The following SMIM14 variants were observed in gnomAD, a reference collection of about 807,000 sequenced individuals.
The protein encoded by SMIM14 is chromosome 4 open reading frame 34.
Under a neutral mutation model 12.6 loss-of-function variants are expected in SMIM14, and 5 were observed. The observed-to-expected ratio is 0.40, with a 90% CI of 0.21 to 0.83. SMIM14 has a LOEUF of 0.83. Among genes scored for constraint, SMIM14 ranks in the 40% least tolerant of loss-of-function variants. The probability of loss-of-function intolerance (pLI) is 0.37; values close to 1 mark genes in which losing one functional copy is unlikely to be tolerated. For missense variants in SMIM14, 86 were observed against 119.1 expected, an observed-to-expected ratio of 0.72 and a Z score of 1.29; for synonymous variants, 30 against 40.1, an observed-to-expected ratio of 0.75 and a Z score of 0.95.
chr4:39,547,422 G>A lies in SMIM14; in HGVS notation c.*4704C>T, dbSNP rs1038080192. 4 of 152,286 alleles carry A rather than the reference G, an allele frequency of 2.6e-5. No individual in the cohort carries two copies. The highest frequency in any genetic ancestry group is 4.8e-5 in the African/African-American group (2 of 41,556). The allele number at this position is 152,286 out of a possible 1,614,324, so 9.4% of individuals were successfully genotyped here. On this transcript the variant is annotated 3_prime_UTR_variant, in exon 5 of 5. Coordinates refer to ENST00000295958, the MANE Select transcript of SMIM14 (RefSeq NM_174921.3). The stretch of plus-strand genomic sequence containing the variant: ...ATGGCACAGACATAATTTGTTTGGC[G>A]TGATTTAAACATATAAAATCAGTAA...
intron 2 of SMIM14, among the ~76,000 whole-genome samples, chr4:39,591,225 T>A (rs564413247): frequency 1.3e-5 from 2 of 152,164 alleles, no homozygotes; most frequent in African/African-American, 2.4e-5. Flanking sequence ...ATATTTTTGA[T>A]TTACAGTTGG....
rs143534293 is a variant in SMIM14 at position 39,560,571 on chromosome 4, G to A, written c.125-4001C>T. Among the ~76,000 whole-genome samples the A allele has an allele frequency of 5.1e-3, 769 of 150,838 alleles. 5 individuals carry two copies. The highest frequency in any genetic ancestry group is 0.018 in the African/African-American group (725 of 41,216). The stretch of plus-strand genomic sequence containing the variant: ...GAAGCACGAGGTCAAGAGATCACCC[G>A]TGAAGCAGAGGTTGCAGTGAGCTGA... On this transcript the variant is annotated intron_variant, in intron 3 of 4. Coordinates refer to ENST00000295958, the MANE Select transcript of SMIM14 (RefSeq NM_174921.3).
Position 39,546,673 on chromosome 4 carries a change from T to G in SMIM14, c.*5453A>C, listed in dbSNP as rs1180646331. 1 of 152,260 alleles carries G rather than the reference T, an allele frequency of 6.6e-6. No individual in the cohort carries two copies. Among genetic ancestry groups the G allele is most frequent in the Non-Finnish European group, 1.5e-5 (1 of 68,038 alleles). 9.4% of individuals were successfully genotyped at this position (152,260 alleles called of 1,614,324 possible). On this transcript the variant is annotated 3_prime_UTR_variant, in exon 5 of 5. Transcript: ENST00000295958. ...GAAAACTTAACAGTTTCACTGAGGA[T>G]TCAGATATCCGTTGACATGTACATG...
At chr4:39,601,201 C>A (rs1714598361) in intron 2 of SMIM14, among the ~76,000 whole-genome samples, 1 of 152,084 alleles carries the variant, frequency 6.6e-6, no homozygotes, top group South Asian at 2.1e-4. Context: ...TAAACCACAG[C>A]CCAGCATATA....
Position 39,605,172 on chromosome 4 carries a change from T to C in SMIM14, c.-27A>G. On this transcript the variant is annotated 5_prime_UTR_variant, in exon 2 of 5. Coordinates refer to ENST00000295958, the MANE Select transcript of SMIM14 (RefSeq NM_174921.3). ...ATTACCCAGCTTGATTTTACTTGAC[T>C]GTTTAAATCTAGGAGGAAGGAAAAA... 6.3e-7 allele frequency: 1 copy of C among 1,584,438 alleles called. No homozygotes were observed. Among genetic ancestry groups the C allele is most frequent in the Non-Finnish European group, 8.5e-7 (1 of 1,171,286 alleles).
intron 2 of SMIM14, chr4:39,588,042 A>C (rs530433059): frequency 1.3e-5 from 2 of 152,362 alleles, no homozygotes; most frequent in African/African-American, 4.8e-5. Flanking sequence ...GCTACTCACC[A>C]GCATCAACTA....
At chr4:39,630,383 G>A (rs1357919779) in intron 1 of SMIM14, among the ~76,000 whole-genome samples, 1 of 152,158 alleles carries the variant, frequency 6.6e-6, no homozygotes, top group Non-Finnish European at 1.5e-5. Flanking sequence ...TCCAACCTGT[G>A]TGACAGAGAC....
intron 2 of SMIM14, among the ~76,000 whole-genome samples, chr4:39,591,795 G>A (rs1714094568): frequency 6.6e-6 from 1 of 152,048 alleles, no homozygotes; most frequent in Non-Finnish European, 1.5e-5. Flanking sequence ...CAAACTCCTG[G>A]CCTCAAATGA....
At chr4:39,593,319 T>C (rs990156773) in intron 2 of SMIM14, 16 of 152,276 alleles carry the variant, frequency 1.1e-4, no homozygotes, top group African/African-American at 3.9e-4. Context: ...ATTATCTCAA[T>C]AGATGCAGAA....
intron 4 of SMIM14, among the ~76,000 whole-genome samples, chr4:39,553,952 G>A (rs368250682): frequency 4.0e-5 from 6 of 151,842 alleles, no homozygotes; most frequent in African/African-American, 1.2e-4. Context: ...TATGTTTTTC[G>A]TTTTGATTTT....
intron 3 of SMIM14, among the ~76,000 whole-genome samples, chr4:39,569,345 C>A (rs1712743416): frequency 6.6e-6 from 1 of 152,134 alleles, no homozygotes; most frequent in Non-Finnish European, 1.5e-5. Context: ...TGATGGGACA[C>A]CCAGTACACA....
intron 2 of SMIM14, among the ~76,000 whole-genome samples, chr4:39,575,841 C>T (rs576995079): frequency 6.6e-5 from 10 of 151,534 alleles, no homozygotes; most frequent in Admixed American, 2.6e-4. Flanking sequence ...AGGATCCACC[C>T]GCCTCAGCCT....
chr4:39,616,240 A>G (rs1715219168), intron 1 of SMIM14, among the ~76,000 whole-genome samples: 1 of 152,134 alleles, frequency 6.6e-6, no homozygotes, highest in South Asian at 2.1e-4. Flanking sequence ...GGTTCAAGCA[A>G]TTCTCCTGCC....
intron 2 of SMIM14, among the ~76,000 whole-genome samples, chr4:39,585,892 G>A (rs2110030073): frequency 6.6e-6 from 1 of 152,008 alleles, no homozygotes; most frequent in South Asian, 2.1e-4. Flanking sequence ...TGTTAAGGTC[G>A]CTCTTCCCTT....
chr4:39,587,772 A>G (rs1713860464), intron 2 of SMIM14, among the ~76,000 whole-genome samples: 1 of 152,128 alleles, frequency 6.6e-6, no homozygotes, highest in Non-Finnish European at 1.5e-5. Context: ...AGGAAGAAGG[A>G]AGAAGAAAGG....
chr4:39,619,873 TA>T (rs1191658335), intron 1 of SMIM14, among the ~76,000 whole-genome samples: 36 of 81,644 alleles, frequency 4.4e-4, no homozygotes, highest in East Asian at 3.8e-3. Context: ...TATATATATA[TA>T]TATTTTTTTT....
At chr4:39,638,201 C>T (rs1408845425) in intron 1 of SMIM14, 2 of 152,446 alleles carry the variant, frequency 1.3e-5, no homozygotes, top group African/African-American at 4.8e-5. Flanking sequence ...ACTGAGCAAA[C>T]AGAAAAAGGG....
intron 3 of SMIM14, among the ~76,000 whole-genome samples, chr4:39,557,673 T>A (rs1712088185): frequency 6.6e-6 from 1 of 152,170 alleles, no homozygotes; most frequent in Non-Finnish European, 1.5e-5. Context: ...AAAGCACTCA[T>A]GTATACCAAA....
chr4:39,602,210 C>T (rs1031447824), intron 2 of SMIM14, among the ~76,000 whole-genome samples: 4 of 150,530 alleles, frequency 2.7e-5, no homozygotes, highest in African/African-American at 9.8e-5. Flanking sequence ...GATCGTGCCA[C>T]TGCCCTACAG....
Sources: allele counts gnomAD v4.1 joint callset (sites outside exome capture counted in the v4.1 genomes callset), GRCh38; gene constraint gnomAD v4.1.1; transcripts MANE v1.5; gene names NCBI Gene and HGNC (gene_info 2026-07-23, HGNC 2026-07-21).